P4HA2: variants seen among roughly 807,000 people sequenced by gnomAD.
P4HA2 encodes the protein prolyl 4-hydroxylase subunit alpha 2.
A neutral mutation model predicts 76.9 loss-of-function variants in P4HA2; 46 were observed. The observed-to-expected ratio is 0.60, with a 90% CI of 0.47 to 0.76. The LOEUF (loss-of-function observed/expected upper bound fraction) is 0.76, where lower values mean the gene tolerates loss of function less well. P4HA2 is among the 30% of genes least tolerant of loss of function. The probability of loss-of-function intolerance (pLI) is 0.00; values close to 1 mark genes in which losing one functional copy is unlikely to be tolerated. For synonymous variants in P4HA2, 243 were observed against 254.0 expected (o/e 0.96, Z 0.41); for missense variants, 583 against 669.4 (o/e 0.87, Z 1.42).
Position 132,195,462 on chromosome 5 carries a change from C to T in P4HA2, c.1384G>A (p.Gly462Ser). ...AGATCAGGGAAGACGGTGGCACCAC[C>T]AGCTTCTACATCACTCATCTGGAAA... ...FLNYMSDVEA[G>S]GATVFPDLGA... Residue 462 changes from glycine (G) to serine (S), a missense_variant, in exon 13 of 15, where the codon GGT (glycine) becomes AGT (serine). By Grantham distance (56) the Gly-to-Ser change is moderately conservative. Transcript: ENST00000360568. 6.2e-7 allele frequency: 1 copy of T among 1,613,102 alleles called. No homozygotes were observed. Among genetic ancestry groups the T allele is most frequent in the Non-Finnish European group, 8.5e-7 (1 of 1,179,076 alleles).
rs200220417 is a variant in P4HA2, at chr5:132,198,365, C to T, written c.1321G>A (p.Gly441Ser). ...FDFSRRPFDS[G>S]LKTEGNRLAT... ...AACCTATTCCCCTCTGTTTTGAGGC[C>T]GCTGTCAAAAGGTCGCTGCAACAGA... The change falls in exon 12 of 15, where the codon GGC (glycine) becomes AGC (serine). Residue 441 changes from glycine (G) to serine (S), a missense_variant. Gly to Ser is a moderately conservative substitution (Grantham distance 56). Transcript: ENST00000360568. 268 of 1,613,532 alleles carry T rather than the reference C, an allele frequency of 1.7e-4. 1 individual carries two copies. The South Asian group carries it at 2.5e-3, about 15-fold the overall frequency.
intron 12 of P4HA2, among the ~76,000 whole-genome samples, chr5:132,196,938 A>G (rs1483487171): frequency 3.9e-5 from 6 of 152,008 alleles, no homozygotes; most frequent in African/African-American, 1.4e-4. Context: ...CCTCAAGCAC[A>G]AGAGAGACCA....
At chr5:132,205,619 G>A (rs1752114641) in intron 8 of P4HA2, among the ~76,000 whole-genome samples, 1 of 152,174 alleles carries the variant, frequency 6.6e-6, no homozygotes, top group African/African-American at 2.4e-5. Flanking sequence ...GTGGCAGAAG[G>A]GATGGAGAGG....
chr5:132,202,829 C>T (rs1751694380), intron 10 of P4HA2: 1 of 152,268 alleles, frequency 6.6e-6, no homozygotes, highest in Non-Finnish European at 1.5e-5. Flanking sequence ...CCTGCACCAG[C>T]TTAACCAGTC....
intron 14 of P4HA2, 28 bp downstream of exon 14, chr5:132,194,898 C>T (rs200710958): frequency 7.9e-6 from 12 of 1,516,292 alleles, no homozygotes; most frequent in Middle Eastern, 1.7e-4. Context: ...AGGCCACCAA[C>T]ACCAACACTA....
chr5:132,203,419 T>C, intron 10 of P4HA2: 1 of 263,796 alleles, frequency 3.8e-6, no homozygotes, highest in Middle Eastern at 1.3e-3. Context: ...CATTTTTAGC[T>C]CTCTTAGAGA....
intron 8 of P4HA2, 94 bp from the exon 9 acceptor site, chr5:132,204,246 C>T: frequency 1.0e-6 from 1 of 983,260 alleles, no homozygotes; most frequent in East Asian, 2.4e-5. Flanking sequence ...AGATTTACTG[C>T]CATGCTAGTG....
intron 6 of P4HA2, 85 bp downstream of exon 6, chr5:132,210,199 G>A (rs1176933515): frequency 6.7e-7 from 1 of 1,488,962 alleles, no homozygotes; most frequent in Non-Finnish European, 9.3e-7. Context: ...CTCAGTCCCA[G>A]GAGAGGGGTC....
intron 10 of P4HA2, chr5:132,202,504 A>G (rs999353907): frequency 2.6e-5 from 4 of 152,238 alleles, no homozygotes; most frequent in Non-Finnish European, 5.9e-5. Flanking sequence ...CTTTAAGTAT[A>G]CAGAAACTTT....
In P4HA2 at chr5:132,214,304, C is replaced by A. The variant is rs141842088; in HGVS notation, c.332-251G>T. Reference sequence around the variant, plus strand: ...TTGGAACTAAGTAGAAGCAGCCCCCCATATTGGTTAATATTTAGGAGTCCA... The same window carrying A: ...TTGGAACTAAGTAGAAGCAGCCCCCAATATTGGTTAATATTTAGGAGTCCA... On this transcript the variant is annotated intron_variant, in intron 4 of 14. Transcript: ENST00000360568. 9.9e-5 allele frequency among the ~76,000 whole-genome samples: 15 copies of A among 152,266 alleles called. No individual in the cohort carries two copies. In the East Asian group the frequency reaches 2.7e-3, roughly 27 times the overall value.
Position 132,204,092 on chromosome 5 carries a change from C to T in P4HA2, c.1141G>A (p.Val381Ile). The change falls in exon 9 of 15, where the codon GTT becomes ATT. Residue 381 changes from valine (V) to isoleucine (I), a missense_variant. Physicochemically the swap from Val to Ile is conservative, Grantham distance 29. Coordinates refer to ENST00000360568, the MANE Select transcript of P4HA2 (RefSeq NM_001017974.2). ...TGVLTVASYR[V>I]SKSSWLEEDD... ...CTGCTCTTTGCTTACCTTTTGGAAACCCGGTAGCTGGCGACAGTGAGGACT... is the reference window on the plus strand; with the variant it reads ...CTGCTCTTTGCTTACCTTTTGGAAATCCGGTAGCTGGCGACAGTGAGGACT... The T allele has an allele frequency of 6.2e-7, 1 of 1,613,722 alleles. No homozygotes were observed. Among genetic ancestry groups the T allele is most frequent in the Non-Finnish European group, 8.5e-7 (1 of 1,179,596 alleles).
At chr5:132,227,458 C>T (rs1250700768) in intron 1 of P4HA2, 1 of 152,344 alleles carries the variant, frequency 6.6e-6, no homozygotes, top group Non-Finnish European at 1.5e-5. Flanking sequence ...CCGCCACTTC[C>T]CGGGAGCCTG....
At chr5:132,205,043 T>C (rs1580681378) in intron 8 of P4HA2, among the ~76,000 whole-genome samples, 1 of 152,256 alleles carries the variant, frequency 6.6e-6, no homozygotes, top group Non-Finnish European at 1.5e-5. Flanking sequence ...TCAATAAATA[T>C]TGATGAGTGC....
intron 10 of P4HA2, chr5:132,203,468 A>G: frequency 2.3e-6 from 1 of 425,550 alleles, no homozygotes; most frequent in South Asian, 2.8e-5. Context: ...TTCTGTTGTC[A>G]AGAAGACATG....
At chr5:132,195,562 A>G (rs1750511305) in intron 12 of P4HA2, 82 bp from the exon 13 acceptor site, 10 of 1,035,898 alleles carry the variant, frequency 9.7e-6, no homozygotes, top group Non-Finnish European at 1.5e-5. Context: ...GACAAGGTAT[A>G]TAGATTGCCC....
intron 6 of P4HA2, among the ~76,000 whole-genome samples, chr5:132,209,863 T>C (rs1388236158): frequency 6.6e-6 from 1 of 151,544 alleles, no homozygotes; most frequent in African/African-American, 2.4e-5. Flanking sequence ...AAAGTATCAA[T>C]GCCATATGAA....
chr5:132,199,888 A>G (rs775280433), intron 10 of P4HA2: 9 of 152,260 alleles, frequency 5.9e-5, no homozygotes, highest in Non-Finnish European at 1.2e-4. Flanking sequence ...AAAACTAGCA[A>G]TAACAGAGAC....
At chr5:132,215,854 A>T (rs1283786255) in intron 4 of P4HA2, among the ~76,000 whole-genome samples, 5 of 24,986 alleles carry the variant, frequency 2.0e-4, no homozygotes, top group Admixed American at 8.3e-4. Context: ...TCCCTTTAAA[A>T]AAAAAAAAAA....
chr5:132,222,575 A>C (rs575865652), intron 1 of P4HA2, among the ~76,000 whole-genome samples: 2 of 152,294 alleles, frequency 1.3e-5, no homozygotes, highest in South Asian at 2.1e-4. Flanking sequence ...CGTCAAGATA[A>C]AGTTCAAACT....
Sources: gnomAD v4.1 joint callset for allele counts (sites outside exome capture counted in the v4.1 genomes callset) on GRCh38, gnomAD v4.1.1 for gene constraint, MANE v1.5 for transcripts, NCBI Gene and HGNC (gene_info 2026-07-23, HGNC 2026-07-21) for gene names.